PEAK1: variants seen among roughly 807,000 people sequenced by gnomAD.
PEAK1 encodes the protein pseudopodium enriched atypical kinase 1.
In PEAK1, 54 loss-of-function variants were observed where a neutral mutation model predicts 124.7. The ratio of observed to expected loss-of-function variants is 0.43; its 90% CI spans 0.35 to 0.54. The LOEUF (loss-of-function observed/expected upper bound fraction) is 0.54. Among genes scored for constraint, PEAK1 ranks in the 20% least tolerant of loss-of-function variants. The pLI, the probability that PEAK1 is intolerant of heterozygous loss-of-function variation, is 0.01. For missense variants in PEAK1, 2,046 were observed against 2,134.5 expected, an observed-to-expected ratio of 0.96 and a Z score of 0.82; for synonymous variants, 719 against 760.0, an observed-to-expected ratio of 0.95 and a Z score of 0.89.
At position 77,181,383 on chromosome 15, in the gene PEAK1, C is replaced by G. The variant is rs369804815; in HGVS notation, c.544G>C (p.Asp182His). The G allele has an allele frequency of 1.2e-6, 2 of 1,614,012 alleles. No individual in the cohort carries two copies. The highest frequency in any genetic ancestry group is 8.5e-7 in the Non-Finnish European group (1 of 1,180,028). Residue 182 changes from aspartate (D) to histidine (H), a missense_variant, in exon 7 of 10, where the codon GAT becomes CAT. By Grantham distance (81) the Asp-to-His change is moderately conservative. Coordinates refer to ENST00000682557, the MANE Select transcript of PEAK1 (RefSeq NM_001385026.1). ...SRETFLGRIN[D>H]CYKRSLERKL... ...CTTTCCAATGATCGTTTATAGCAAT[C>G]ATTTATTCTTCCCAAGAATGTTTCT...
chr15:77,387,918 T>C (rs953213106), intron 1 of PEAK1, among the ~76,000 whole-genome samples: 3 of 152,190 alleles, frequency 2.0e-5, no homozygotes, highest in East Asian at 3.8e-4. Context: ...GGCAGCCTTC[T>C]TGACAAACCC....
intron 7 of PEAK1, among the ~76,000 whole-genome samples, chr15:77,164,869 G>T (rs1436369229): frequency 6.6e-6 from 1 of 151,858 alleles, no homozygotes; most frequent in Non-Finnish European, 1.5e-5. Flanking sequence ...TCTCCAAGGG[G>T]ACTAACCCAG....
rs114945620 is a variant in PEAK1, at chr15:77,227,875, T to C, written c.-115+24492A>G. On this transcript the variant is annotated intron_variant, in intron 6 of 9. Transcript: ENST00000682557. The stretch of plus-strand genomic sequence containing the variant: ...AGCCTGGTATGGTGGTGCTCACCTA[T>C]AGTTTCAGCTACTTGGGAGGCTACT... Among the ~76,000 whole-genome samples, 1,223 of 151,842 alleles carry C rather than the reference T, an allele frequency of 8.1e-3. 15 individuals carry two copies. Among genetic ancestry groups the C allele is most frequent in the African/African-American group, 0.026 (1,062 of 41,426 alleles).
rs1003144531 is a variant in PEAK1 at position 77,109,918 on chromosome 15, T to C, written c.*4238A>G. ...GTGTAGTATCCTAAATCCATCTCTA[T>C]TTCTGTGACTAGCCTGTACTTTTTC... On this transcript the variant is annotated 3_prime_UTR_variant, in exon 10 of 10. Coordinates refer to ENST00000682557, the MANE Select transcript of PEAK1 (RefSeq NM_001385026.1). The C allele has an allele frequency of 6.6e-6, 1 of 152,210 alleles. No individual in the cohort carries two copies. Among genetic ancestry groups the C allele is most frequent in the Non-Finnish European group, 1.5e-5 (1 of 68,034 alleles). The allele number at this position is 152,210 out of a possible 1,614,324, so 9.4% of individuals were successfully genotyped here. A position where few individuals can be genotyped will look rare whatever the true frequency, so the allele number is the denominator to read the frequency against.
intron 7 of PEAK1, among the ~76,000 whole-genome samples, chr15:77,159,223 A>G (rs1247374867): frequency 6.6e-6 from 1 of 152,232 alleles, no homozygotes; most frequent in Admixed American, 6.5e-5. Context: ...TTGTTTTAGT[A>G]GGTACACTGA....
At chr15:77,392,324 G>A (rs952179335) in intron 1 of PEAK1, among the ~76,000 whole-genome samples, 3 of 152,182 alleles carry the variant, frequency 2.0e-5, no homozygotes, top group African/African-American at 7.2e-5. Flanking sequence ...TCATAACTTA[G>A]ATAATGATAA....
intron 8 of PEAK1, among the ~76,000 whole-genome samples, chr15:77,135,023 T>C (rs1424694930): frequency 2.0e-5 from 3 of 152,268 alleles, no homozygotes; most frequent in South Asian, 4.1e-4. Context: ...TACCAAGCAT[T>C]GATGGCCACT....
At chr15:77,128,036 G>A (rs994314817) in intron 9 of PEAK1, among the ~76,000 whole-genome samples, 3 of 150,672 alleles carry the variant, frequency 2.0e-5, no homozygotes, top group South Asian at 4.2e-4. Context: ...CCGAGATCGT[G>A]TCACTGCACT....
chr15:77,348,141 A>G, intron 2 of PEAK1: 13 of 984,314 alleles, frequency 1.3e-5, no homozygotes, highest in East Asian at 1.1e-4. Flanking sequence ...CTTGCTCTAC[A>G]TGAGGTATAT....
At chr15:77,171,765 T>G (rs1043740213) in intron 7 of PEAK1, among the ~76,000 whole-genome samples, 1 of 152,200 alleles carries the variant, frequency 6.6e-6, no homozygotes, top group Admixed American at 6.5e-5. Flanking sequence ...TTACATTATA[T>G]GTATTGCAAC....
intron 5 of PEAK1, among the ~76,000 whole-genome samples, chr15:77,268,470 T>C (rs190072112): frequency 6.8e-6 from 1 of 146,902 alleles, no homozygotes; most frequent in East Asian, 2.0e-4. Flanking sequence ...CGAGATTCCA[T>C]CTCAAAAAAA....
chr15:77,175,047 A>C (rs1382065524), intron 7 of PEAK1, among the ~76,000 whole-genome samples: 1 of 151,774 alleles, frequency 6.6e-6, no homozygotes, highest in African/African-American at 2.4e-5. Context: ...CTGGCTAGCC[A>C]TATGTAGAAA....
chr15:77,175,659 T>G (rs1448346441), intron 7 of PEAK1, among the ~76,000 whole-genome samples: 4 of 152,226 alleles, frequency 2.6e-5, no homozygotes, highest in Non-Finnish European at 5.9e-5. Flanking sequence ...TTGGTGGGAC[T>G]GTAAACTAGT....
At chr15:77,187,524 G>T (rs1029367460) in intron 6 of PEAK1, among the ~76,000 whole-genome samples, 1 of 152,196 alleles carries the variant, frequency 6.6e-6, no homozygotes, top group Non-Finnish European at 1.5e-5. Context: ...CCTCAAGCTG[G>T]ATTCAATTTC....
At chr15:77,351,911 G>A (rs928866780) in intron 2 of PEAK1, 3 of 985,268 alleles carry the variant, frequency 3.0e-6, no homozygotes, top group Admixed American at 6.2e-5. Flanking sequence ...ATGAAGTCTG[G>A]TAGACCTATT....
rs771286245 is a variant in PEAK1, at chr15:77,181,410, T to G, written c.517A>C (p.Arg173=). 1.9e-6 allele frequency: 3 copies of G among 1,614,084 alleles called. No homozygotes were observed. In the South Asian group the frequency reaches 3.3e-5, roughly 18 times the overall value. ...PQIRGNETNS[R]ETFLGRINDC... ...TTTATTCTTCCCAAGAATGTTTCTC[T>G]GGAGTTTGTTTCATTTCCTCTTATC... The change falls in exon 7 of 10, where the codon AGA becomes CGA. Residue 173 remains arginine, a synonymous_variant. Transcript: ENST00000682557.
chr15:77,311,699 A>AAG (rs1392660546), intron 2 of PEAK1, among the ~76,000 whole-genome samples: 14 of 150,942 alleles, frequency 9.3e-5, no homozygotes, highest in Non-Finnish European at 1.8e-4. Context: ...AAAAAAAAAA[A>AAG]AAAAAAAGAA....
At chr15:77,257,202 T>C (rs2061198414) in intron 5 of PEAK1, among the ~76,000 whole-genome samples, 1 of 152,126 alleles carries the variant, frequency 6.6e-6, no homozygotes, top group Non-Finnish European at 1.5e-5. Context: ...TGCATGTGTC[T>C]TTATAGCAGC....
chr15:77,115,482 C>G (rs538639949), intron 9 of PEAK1, among the ~76,000 whole-genome samples, 163 bp from the exon 10 acceptor site: 1 of 152,230 alleles, frequency 6.6e-6, no homozygotes, highest in East Asian at 1.9e-4. Flanking sequence ...ATGGTGGTAA[C>G]CATTTCTCAT....
Sources: gnomAD v4.1 joint callset for allele counts (sites outside exome capture counted in the v4.1 genomes callset) on GRCh38, gnomAD v4.1.1 for gene constraint, MANE v1.5 for transcripts, NCBI Gene and HGNC (gene_info 2026-07-23, HGNC 2026-07-21) for gene names.